The following CDH13 variants were observed in gnomAD, a reference collection of about 807,000 sequenced individuals.
The protein encoded by CDH13 is cadherin 13, also known as cadherin-13.
Under a neutral mutation model 63.8 loss-of-function variants are expected in CDH13, and 24 were observed. That is an observed-to-expected ratio of 0.38 (90% confidence interval 0.27 to 0.53). The LOEUF is 0.53. Among genes scored for constraint, CDH13 ranks in the 20% least tolerant of loss-of-function variants. The pLI is 0.85. For synonymous variants in CDH13, 503 were observed against 355.3 expected, an observed-to-expected ratio of 1.42 and a Z score of -4.67; for missense variants, 1,049 against 903.1, an observed-to-expected ratio of 1.16 and a Z score of -2.07.
At chr16:83,719,308 G>A (rs1264155003) in intron 10 of CDH13, among the ~76,000 whole-genome samples, 2 of 152,160 alleles carry the variant, frequency 1.3e-5, no homozygotes, top group Non-Finnish European at 2.9e-5. Context: ...CCCTATGTGG[G>A]ATCTGTGAAG....
At chr16:83,080,881 T>TTTTG (rs2033196731) in intron 3 of CDH13, among the ~76,000 whole-genome samples, 1 of 110,754 alleles carries the variant, frequency 9.0e-6, no homozygotes, top group Non-Finnish European at 1.8e-5. Context: ...GTTTTTTTTT[T>TTTTG]TTTTTTTTTT....
chr16:83,309,306 A>G (rs768812989), intron 5 of CDH13, among the ~76,000 whole-genome samples: 1 of 152,124 alleles, frequency 6.6e-6, no homozygotes, highest in Non-Finnish European at 1.5e-5. Flanking sequence ...TCAGATTTAT[A>G]TGGTGAGAGC....
chr16:83,322,219 T>C lies in CDH13; in HGVS notation c.637-22643T>C, dbSNP rs142824185. Reference sequence around the variant, plus strand: ...ATGTCGATGAGATTAGAGCCTTTGGTGTTGCCGGCTGGTGTCTCTCTGGAG... The same window carrying C: ...ATGTCGATGAGATTAGAGCCTTTGGCGTTGCCGGCTGGTGTCTCTCTGGAG... On this transcript the variant is annotated intron_variant, in intron 5 of 13. Transcript: ENST00000567109. Among the ~76,000 whole-genome samples, 245 of 152,252 alleles carry C rather than the reference T, an allele frequency of 1.6e-3. 3 individuals are homozygous for C. The East Asian group carries it at 0.037, about 23-fold the overall frequency.
At chr16:83,108,476 C>A (rs2034892280) in intron 3 of CDH13, among the ~76,000 whole-genome samples, 1 of 152,198 alleles carries the variant, frequency 6.6e-6, no homozygotes, top group Non-Finnish European at 1.5e-5. Flanking sequence ...TTGCAGGTCT[C>A]CCGCCTCATA....
At chr16:82,654,770 A>G (rs921294793) in intron 1 of CDH13, among the ~76,000 whole-genome samples, 2 of 152,018 alleles carry the variant, frequency 1.3e-5, no homozygotes, top group Non-Finnish European at 2.9e-5. Flanking sequence ...AGGTGGGTAC[A>G]GAAAGGATGA....
In CDH13 at chr16:83,796,239, T is replaced by G. The variant is rs1191295001; in HGVS notation, c.*1209T>G. 1.3e-5 allele frequency: 2 copies of G among 152,260 alleles called. No individual in the cohort carries two copies. The highest frequency in any genetic ancestry group is 4.8e-5 in the African/African-American group (2 of 41,474). 9.4% of individuals were successfully genotyped at this position (152,260 alleles called of 1,614,324 possible). A position where few individuals can be genotyped will look rare whatever the true frequency, so the allele number is the denominator to read the frequency against. On this transcript the variant is annotated 3_prime_UTR_variant, in exon 14 of 14. Coordinates refer to ENST00000567109, the MANE Select transcript of CDH13 (RefSeq NM_001257.5). The stretch of plus-strand genomic sequence containing the variant: ...TTGTTGATAAACCATAAATGAATCA[T>G]CAAAGCTCACACCAAATTTTTCTAT...
intron 5 of CDH13, among the ~76,000 whole-genome samples, chr16:83,240,448 G>C (rs1302711998): frequency 6.6e-6 from 1 of 152,012 alleles, no homozygotes; most frequent in Non-Finnish European, 1.5e-5. Flanking sequence ...GAGCCAAGCT[G>C]GAGGTTACTG....
chr16:83,472,843 G>A (rs953157110), intron 6 of CDH13, among the ~76,000 whole-genome samples: 4 of 152,138 alleles, frequency 2.6e-5, no homozygotes, highest in African/African-American at 9.7e-5. Flanking sequence ...TTCATTCAGA[G>A]GATACGAGGG....
At chr16:83,576,670 T>C (rs556504107) in intron 7 of CDH13, among the ~76,000 whole-genome samples, 63 of 152,338 alleles carry the variant, frequency 4.1e-4, no homozygotes, top group Non-Finnish European at 8.1e-4. Flanking sequence ...GCCCTTGCTA[T>C]TTTCTGTTGT....
At chr16:83,600,659 G>C (rs1268705729) in intron 7 of CDH13, among the ~76,000 whole-genome samples, 1 of 152,046 alleles carries the variant, frequency 6.6e-6, no homozygotes, top group East Asian at 1.9e-4. Context: ...CATACTGGTA[G>C]GACTATTTAT....
chr16:82,772,213 C>CA (rs968903420), intron 1 of CDH13, among the ~76,000 whole-genome samples: 5 of 152,102 alleles, frequency 3.3e-5, no homozygotes, highest in Non-Finnish European at 4.4e-5. Flanking sequence ...AATTGGCCAA[C>CA]ATTACAAATT....
At chr16:83,500,290 TC>T (rs752455365) in intron 7 of CDH13, among the ~76,000 whole-genome samples, 296 of 2,204 alleles carry the variant, frequency 0.13, 41 homozygotes, top group East Asian at 0.6. Context: ...TTCTTCTTCT[TC>T]TTCTCCTTCT....
chr16:82,689,245 G>C (rs1371902794), intron 1 of CDH13, among the ~76,000 whole-genome samples: 1 of 151,032 alleles, frequency 6.6e-6, no homozygotes, highest in Non-Finnish European at 1.5e-5. Flanking sequence ...GAAAATATCT[G>C]AATTAGAAAT....
Position 82,663,985 on chromosome 16 carries a change from C to A in CDH13, c.45+36848C>A, listed in dbSNP as rs982739406. On this transcript the variant is annotated intron_variant, in intron 1 of 13. Transcript: ENST00000567109. ...GTGAGCCATGTGGGCTCTCAGGACT[C>A]TTTTGGCTCCACTTCTGCCTTTGTA... 3.9e-5 allele frequency among the ~76,000 whole-genome samples: 6 copies of A among 152,194 alleles called. No individual in the cohort carries two copies. The East Asian group carries it at 1.2e-3, about 29-fold the overall frequency.
chr16:83,397,907 C>T (rs781141695), intron 6 of CDH13: 11 of 152,212 alleles, frequency 7.2e-5, no homozygotes, highest in Non-Finnish European at 8.8e-5. Context: ...AGAGAACTGA[C>T]CTGGAACAAT....
At chr16:83,607,535 G>A (rs74735646) in intron 8 of CDH13, among the ~76,000 whole-genome samples, 1,613 of 152,254 alleles carry the variant, frequency 0.011, 10 homozygotes, top group Non-Finnish European at 0.018. Context: ...GTTGTATCCC[G>A]GCAGGCACTC....
At chr16:83,618,138 C>T (rs1909453827) in intron 8 of CDH13, among the ~76,000 whole-genome samples, 1 of 134,234 alleles carries the variant, frequency 7.4e-6, no homozygotes, top group Admixed American at 7.3e-5. Context: ...TTGCAAAGCA[C>T]TTGCGGCCAG....
intron 1 of CDH13, among the ~76,000 whole-genome samples, chr16:82,765,583 G>A (rs1213905677): frequency 6.6e-6 from 1 of 152,172 alleles, no homozygotes; most frequent in Non-Finnish European, 1.5e-5. Context: ...GGGTATTTAT[G>A]ATGAGAAAAT....
At chr16:83,085,473 C>T (rs767303872) in intron 3 of CDH13, among the ~76,000 whole-genome samples, 2 of 152,076 alleles carry the variant, frequency 1.3e-5, no homozygotes, top group South Asian at 4.2e-4. Flanking sequence ...GTCAGCAAGA[C>T]TGGGAGAATG....
Sources: gnomAD v4.1 joint callset for allele counts (sites outside exome capture counted in the v4.1 genomes callset) on GRCh38, gnomAD v4.1.1 for gene constraint, MANE v1.5 for transcripts, NCBI Gene and HGNC (gene_info 2026-07-23, HGNC 2026-07-21) for gene names.